Variants in MCC observed in about 807,000 individuals in gnomAD.
MCC encodes the protein MCC regulator of Wnt signaling pathway, also known as colorectal mutant cancer protein.
A neutral mutation model predicts 116.2 loss-of-function variants in MCC; 90 were observed. The observed-to-expected ratio is 0.77, with a 90% CI of 0.65 to 0.92. The LOEUF (loss-of-function observed/expected upper bound fraction) is 0.92, where lower values mean the gene tolerates loss of function less well. MCC is among the 40% of genes least tolerant of loss of function. MCC has a pLI of 0.00. For synonymous variants in MCC, 578 were observed against 510.5 expected (o/e 1.13, Z -1.78); for missense variants, 1,516 against 1,312.2 (o/e 1.16, Z -2.40).
At chr5:113,127,034 C>T (rs1357566537) in intron 5 of MCC, among the ~76,000 whole-genome samples, 1 of 152,172 alleles carries the variant, frequency 6.6e-6, no homozygotes, top group Non-Finnish European at 1.5e-5. Context: ...CATCCACCCG[C>T]AAGTAGGCCC....
At chr5:113,297,919 C>T (rs889565690) in intron 3 of MCC, among the ~76,000 whole-genome samples, 2 of 151,910 alleles carry the variant, frequency 1.3e-5, no homozygotes, top group Non-Finnish European at 2.9e-5. Flanking sequence ...ATTAGGAATT[C>T]CAGAGAATAA....
At chr5:113,070,509 G>A (rs1226015138) in intron 12 of MCC, among the ~76,000 whole-genome samples, 1 of 151,988 alleles carries the variant, frequency 6.6e-6, no homozygotes, top group Non-Finnish European at 1.5e-5. Context: ...CTGAAGACCA[G>A]GAAAATATTC....
Position 113,339,136 on chromosome 5 carries a change from G to T in MCC, c.627+1383C>A, listed in dbSNP as rs60058111. On this transcript the variant is annotated intron_variant, in intron 3 of 18. Coordinates refer to ENST00000408903, the MANE Select transcript of MCC (RefSeq NM_001085377.2). ...AGCTACTTGAGAGGCTGAGACAGGA[G>T]AATTGCTTGAACCTGGAAGGCGGAG... 6.5e-3 allele frequency among the ~76,000 whole-genome samples: 982 copies of T among 151,426 alleles called. 15 individuals are homozygous for T. The highest frequency in any genetic ancestry group is 0.023 in the African/African-American group (943 of 41,182).
intron 3 of MCC, among the ~76,000 whole-genome samples, chr5:113,171,692 T>A (rs1231699901): frequency 6.6e-6 from 1 of 152,114 alleles, no homozygotes; most frequent in African/African-American, 2.4e-5. Context: ...GAACATCTAA[T>A]TGGTGGCTCT....
chr5:113,248,564 A>T (rs1295945552), intron 3 of MCC, among the ~76,000 whole-genome samples: 1 of 152,198 alleles, frequency 6.6e-6, no homozygotes, highest in Non-Finnish European at 1.5e-5. Context: ...CAACCTGTAT[A>T]TGAAGAGTAT....
intron 3 of MCC, among the ~76,000 whole-genome samples, chr5:113,337,436 C>T (rs10428666): frequency 0.13 from 20,541 of 152,174 alleles, 2,276 homozygotes; most frequent in Admixed American, 0.27. Flanking sequence ...CAGTGGGCTG[C>T]AGACTTTCTT....
intron 1 of MCC, among the ~76,000 whole-genome samples, chr5:113,487,265 C>T (rs541187906): frequency 1.3e-5 from 2 of 151,658 alleles, no homozygotes; most frequent in African/African-American, 4.8e-5. Flanking sequence ...CGATCTTTAG[C>T]ATCACCAAGA....
At chr5:113,421,487 T>C (rs1770332931) in intron 1 of MCC, among the ~76,000 whole-genome samples, 1 of 152,246 alleles carries the variant, frequency 6.6e-6, no homozygotes, top group African/African-American at 2.4e-5. Context: ...GTCCATCCTC[T>C]GTTATTCACA....
At chr5:113,245,687 C>T (rs1764547505) in intron 3 of MCC, among the ~76,000 whole-genome samples, 1 of 152,066 alleles carries the variant, frequency 6.6e-6, no homozygotes, top group Admixed American at 6.5e-5. Context: ...TTCAGCTTCT[C>T]AGTTTCAGTA....
At chr5:113,233,085 C>G (rs1455899529) in intron 3 of MCC, among the ~76,000 whole-genome samples, 1 of 152,142 alleles carries the variant, frequency 6.6e-6, no homozygotes, top group South Asian at 2.1e-4. Flanking sequence ...GCTCTATAAA[C>G]CTGACTATCA....
chr5:113,340,892 G>A (rs1767994547), intron 2 of MCC, among the ~76,000 whole-genome samples, 162 bp from the exon 3 acceptor site: 1 of 152,166 alleles, frequency 6.6e-6, no homozygotes, highest in South Asian at 2.1e-4. Context: ...CTTTCAAACT[G>A]ACACATGGGG....
intron 17 of MCC, among the ~76,000 whole-genome samples, chr5:113,042,539 T>TA (rs1751787495): frequency 7.2e-6 from 1 of 139,586 alleles, no homozygotes; most frequent in Admixed American, 7.1e-5. Context: ...TGCATATCAC[T>TA]AAAAAAGAGA....
chr5:113,294,046 T>A (rs375064303), intron 3 of MCC, among the ~76,000 whole-genome samples: 1 of 152,192 alleles, frequency 6.6e-6, no homozygotes, highest in Non-Finnish European at 1.5e-5. Flanking sequence ...GAACAAGGGA[T>A]GCAGACTGTC....
intron 1 of MCC, among the ~76,000 whole-genome samples, chr5:113,421,630 C>T (rs1482265314): frequency 6.6e-6 from 1 of 152,198 alleles, no homozygotes. Context: ...CTGGGTCAGA[C>T]TGTCTGCAAC....
At chr5:113,169,586 G>A (rs776990232) in intron 3 of MCC, among the ~76,000 whole-genome samples, 6 of 152,278 alleles carry the variant, frequency 3.9e-5, no homozygotes, top group Non-Finnish European at 7.3e-5. Flanking sequence ...AACTGCTCAG[G>A]TGTGGTGCCA....
At chr5:113,279,694 G>C (rs777281610) in intron 3 of MCC, among the ~76,000 whole-genome samples, 33 of 152,094 alleles carry the variant, frequency 2.2e-4, no homozygotes, top group Non-Finnish European at 4.4e-4. Context: ...GATGCATTAC[G>C]TTACCATTCT....
chr5:113,063,441 G>A (rs1753359641), intron 14 of MCC, among the ~76,000 whole-genome samples: 1 of 152,210 alleles, frequency 6.6e-6, no homozygotes, highest in South Asian at 2.1e-4. Context: ...ATGACTGAGT[G>A]CCTGTAAGCA....
chr5:113,121,066 C>G (rs1298732842), intron 6 of MCC, among the ~76,000 whole-genome samples: 1 of 152,208 alleles, frequency 6.6e-6, no homozygotes, highest in Non-Finnish European at 1.5e-5. Flanking sequence ...ATGGGGCATA[C>G]ACACCCCCCA....
In MCC at chr5:113,143,216, A is replaced by G. The variant is rs1420331347; in HGVS notation, c.884+2T>C. 2.1e-5 allele frequency: 33 copies of G among 1,598,262 alleles called. No individual in the cohort carries two copies. The highest frequency in any genetic ancestry group is 2.8e-5 in the Non-Finnish European group (33 of 1,173,316). ...GAGTAAAAGCCGAATGGAGCCGCGT[A>G]CCTGATGGTGGTGCCTTGCAGACGG... On this transcript the variant is annotated splice_donor_variant, in intron 5 of 18. Transcript: ENST00000408903. LOFTEE classifies it high-confidence loss of function.
Sources: gnomAD v4.1 joint callset for allele counts (sites outside exome capture counted in the v4.1 genomes callset) on GRCh38, gnomAD v4.1.1 for gene constraint, MANE v1.5 for transcripts, NCBI Gene and HGNC (gene_info 2026-07-23, HGNC 2026-07-21) for gene names.